SLC25A42: variants seen among roughly 807,000 people sequenced by gnomAD.
SLC25A42 encodes mitochondrial coenzyme A transporter SLC25A42.
A neutral mutation model predicts 34.7 loss-of-function variants in SLC25A42; 19 were observed. That is an observed-to-expected ratio of 0.55 (90% CI 0.38 to 0.80). SLC25A42 has a LOEUF of 0.80. SLC25A42 is among the 30% of genes least tolerant of loss of function. SLC25A42 has a pLI of 0.00. For missense variants in SLC25A42, 364 were observed against 441.3 expected (o/e 0.82, Z 1.57); for synonymous variants, 205 against 191.2 (o/e 1.07, Z -0.59).
At chr19:19,087,766 G>A (rs544420084) in intron 1 of SLC25A42, among the ~76,000 whole-genome samples, 1 of 152,348 alleles carries the variant, frequency 6.6e-6, no homozygotes, top group Non-Finnish European at 1.5e-5. Context: ...GAGCAGCACA[G>A]GCTGCTTATT....
At chr19:19,064,464 C>T (rs1419401701) in intron 1 of SLC25A42, among the ~76,000 whole-genome samples, 1 of 136,364 alleles carries the variant, frequency 7.3e-6, no homozygotes, top group Non-Finnish European at 1.6e-5. Context: ...CCCCCACTCA[C>T]GAACACCCCC....
intron 7 of SLC25A42, 128 bp from the exon 8 acceptor site, chr19:19,110,441 G>C (rs2059856644): frequency 3.0e-6 from 2 of 663,372 alleles, no homozygotes; most frequent in Non-Finnish European, 2.3e-6. Flanking sequence ...GCGAACACAC[G>C]TGGGGGTGCA....
chr19:19,069,027 T>TAA (rs5827428), intron 1 of SLC25A42, among the ~76,000 whole-genome samples: 33 of 142,592 alleles, frequency 2.3e-4, no homozygotes, highest in Admixed American at 1.2e-3. Context: ...TCTGTCTCTT[T>TAA]AAAAAAAAAA....
chr19:19,105,675 G>A lies in SLC25A42; in HGVS notation c.328G>A (p.Ala110Thr), dbSNP rs916048583. 3.7e-6 allele frequency: 6 copies of A among 1,612,774 alleles called. No homozygotes were observed. The highest frequency in any genetic ancestry group is 2.2e-5 in the South Asian group (2 of 90,934). The change falls in exon 5 of 8, where the codon GCA becomes ACA. Residue 110 changes from alanine to threonine, a missense_variant. Coordinates refer to ENST00000318596, the MANE Select transcript of SLC25A42 (RefSeq NM_178526.5). ...GCCCTACGCCGCCATCCAGTTCAGCGCACACGAGGAGTACAAGCGCATCCT... is the reference window on the plus strand; with the variant it reads ...GCCCTACGCCGCCATCCAGTTCAGCACACACGAGGAGTACAAGCGCATCCT... ...VVPYAAIQFSAHEEYKRILGS... is the reference protein window; with the variant it reads ...VVPYAAIQFSTHEEYKRILGS...
chr19:19,073,611 A>G (rs751791110), intron 1 of SLC25A42, among the ~76,000 whole-genome samples: 3 of 149,100 alleles, frequency 2.0e-5, no homozygotes, highest in African/African-American at 5.0e-5. Context: ...GTCTTTCACC[A>G]TCACCCAGGC....
chr19:19,073,197 G>A (rs1422109437), intron 1 of SLC25A42, among the ~76,000 whole-genome samples: 1 of 152,218 alleles, frequency 6.6e-6, no homozygotes, highest in Non-Finnish European at 1.5e-5. Flanking sequence ...ACAGGCAAAA[G>A]CACCTGTCTG....
chr19:19,092,407 T>C (rs546038191), intron 1 of SLC25A42, among the ~76,000 whole-genome samples: 1 of 152,292 alleles, frequency 6.6e-6, no homozygotes, highest in East Asian at 1.9e-4. Context: ...GCAGTGACTT[T>C]GTCTATGTCT....
intron 1 of SLC25A42, among the ~76,000 whole-genome samples, chr19:19,079,965 C>A (rs78696337): frequency 0.017 from 2,533 of 152,324 alleles, 34 homozygotes; most frequent in South Asian, 0.044. Flanking sequence ...TGTGAAGGAA[C>A]CTCCAGGCTG....
At chr19:19,097,315 G>A (rs564929252) in intron 2 of SLC25A42, among the ~76,000 whole-genome samples, 1 of 152,318 alleles carries the variant, frequency 6.6e-6, no homozygotes, top group Admixed American at 6.5e-5. Flanking sequence ...AGGCGGGCGG[G>A]AGGACTCATT....
intron 2 of SLC25A42, 34 bp from the exon 3 acceptor site, chr19:19,101,747 G>A (rs2059797511): frequency 6.3e-7 from 1 of 1,584,736 alleles, no homozygotes; most frequent in East Asian, 2.3e-5. Flanking sequence ...CCGCCCCCCT[G>A]CCCTCTGACC....
At chr19:19,104,265 A>G (rs959165214) in intron 3 of SLC25A42, among the ~76,000 whole-genome samples, 3 of 151,676 alleles carry the variant, frequency 2.0e-5, no homozygotes, top group Non-Finnish European at 4.4e-5. Context: ...TGTGTTCTGC[A>G]GGGAACTGGG....
intron 1 of SLC25A42, among the ~76,000 whole-genome samples, chr19:19,083,767 C>T (rs1048875660): frequency 1.3e-5 from 2 of 152,096 alleles, no homozygotes; most frequent in African/African-American, 4.8e-5. Context: ...GAAAGGGTAC[C>T]TCACTCCTGC....
chr19:19,092,754 C>A (rs534414291), intron 1 of SLC25A42, among the ~76,000 whole-genome samples: 2 of 152,178 alleles, frequency 1.3e-5, no homozygotes, highest in Non-Finnish European at 2.9e-5. Context: ...CATGTCCAGG[C>A]CACCTGACCC....
At chr19:19,108,629 C>G (rs569683067) in intron 7 of SLC25A42, among the ~76,000 whole-genome samples, 1 of 151,866 alleles carries the variant, frequency 6.6e-6, no homozygotes, top group South Asian at 2.1e-4. Context: ...CGAGCACACA[C>G]GCAAAGCATA....
chr19:19,091,185 G>A (rs1472785658), intron 1 of SLC25A42, among the ~76,000 whole-genome samples: 5 of 152,120 alleles, frequency 3.3e-5, no homozygotes, highest in African/African-American at 7.2e-5. Flanking sequence ...GGCTGGGCGC[G>A]GTGGCTCACG....
chr19:19,082,556 GT>G (rs1202792704), intron 1 of SLC25A42, among the ~76,000 whole-genome samples: 1 of 152,022 alleles, frequency 6.6e-6, no homozygotes, highest in Non-Finnish European at 1.5e-5. Flanking sequence ...AAGAGACAGG[GT>G]TTTGCCATGT....
intron 1 of SLC25A42, among the ~76,000 whole-genome samples, chr19:19,095,648 T>C (rs1215880765): frequency 6.6e-6 from 1 of 152,166 alleles, no homozygotes; most frequent in Non-Finnish European, 1.5e-5. Flanking sequence ...AGTATTTTGG[T>C]GGACAGAGAC....
rs2059818160 is a variant in SLC25A42 at position 19,104,926 on chromosome 19, AT to A, written c.205del (p.Ser69LeufsTer80). 1 of 1,613,834 alleles carries A rather than the reference AT, an allele frequency of 6.2e-7. No individual in the cohort carries two copies. Among genetic ancestry groups the A allele is most frequent in the South Asian group, 1.1e-5 (1 of 91,082 alleles). ...KIIFQVSSKR[F>X]SAKEAFRVLY... ...TGTTTTTTCCAGTGTCTTCAAAAAG[AT>A]TTTCTGCCAAGGTGAGCCACTATGT... On this transcript the variant is annotated frameshift_variant, in exon 4 of 8. Coordinates refer to ENST00000318596, the MANE Select transcript of SLC25A42 (RefSeq NM_178526.5). LOFTEE classifies it high-confidence loss of function.
intron 1 of SLC25A42, chr19:19,095,833 A>G (rs1346834286): frequency 2.0e-6 from 1 of 492,206 alleles, no homozygotes; most frequent in Non-Finnish European, 3.8e-6. Flanking sequence ...TGGCTGCTTA[A>G]CTTCTCTGAG....
Sources: gnomAD v4.1 joint callset for allele counts (sites outside exome capture counted in the v4.1 genomes callset) on GRCh38, gnomAD v4.1.1 for gene constraint, MANE v1.5 for transcripts, NCBI Gene and HGNC (gene_info 2026-07-23, HGNC 2026-07-21) for gene names.